Variants in SCPEP1 observed in about 807,000 individuals in gnomAD.
SCPEP1 encodes retinoid-inducible serine carboxypeptidase.
SCPEP1 carries 51 observed loss-of-function variants against 63.8 expected under a neutral mutation model. That is an observed-to-expected ratio of 0.80 (90% CI 0.64 to 1.01). The LOEUF (loss-of-function observed/expected upper bound fraction) is 1.01. SCPEP1 is among the 50% of genes least tolerant of loss of function. The pLI is 0.00. For missense variants in SCPEP1, 499 were observed against 554.9 expected (o/e 0.90, Z 1.01); for synonymous variants, 204 against 207.8 (o/e 0.98, Z 0.16).
At chr17:56,993,848 T>C (rs1911469013) in intron 6 of SCPEP1, among the ~76,000 whole-genome samples, 1 of 152,250 alleles carries the variant, frequency 6.6e-6, no homozygotes, top group Non-Finnish European at 1.5e-5. Flanking sequence ...AATTATTTAC[T>C]ATCTGTCCCT....
In SCPEP1 at chr17:56,987,673, C is replaced by T. The variant is rs563118508; in HGVS notation, c.316-22C>T. The T allele has an allele frequency of 3.3e-5, 53 of 1,604,340 alleles. No homozygotes were observed. The African/African-American group carries it at 5.6e-4, about 17-fold the overall frequency. On this transcript the variant is annotated intron_variant, in intron 3 of 12. Coordinates refer to ENST00000262288, the MANE Select transcript of SCPEP1 (RefSeq NM_021626.3). ...GACCAAATGTCTGATTGCAACATTT[C>T]GTTTTCCTCCGTGGTACATAGCTCC...
rs1367500742 is a variant in SCPEP1 at position 57,000,840 on chromosome 17, C to T, written c.995-15C>T. On this transcript the variant is annotated splice_polypyrimidine_tract_variant and intron_variant, in intron 10 of 12. Coordinates refer to ENST00000262288, the MANE Select transcript of SCPEP1 (RefSeq NM_021626.3). ...GATTCCAAGCTACTCCCTCTTTCTC[C>T]TTCCCCATGTGCAGGCCAGGCTACC... is the stretch of plus-strand genomic sequence containing the variant. 3.1e-6 allele frequency: 5 copies of T among 1,613,718 alleles called. No homozygotes were observed. In the African/African-American group the frequency reaches 6.7e-5, roughly 22 times the overall value.
intron 10 of SCPEP1, among the ~76,000 whole-genome samples, chr17:56,999,631 C>T (rs922537473): frequency 6.6e-6 from 1 of 152,124 alleles, no homozygotes; most frequent in Non-Finnish European, 1.5e-5. Context: ...CTGGTTTTTT[C>T]ATTACTCCTG....
chr17:57,004,213 G>A (rs534722530), intron 12 of SCPEP1, among the ~76,000 whole-genome samples: 1 of 152,332 alleles, frequency 6.6e-6, no homozygotes, highest in Admixed American at 6.5e-5. Flanking sequence ...GCAACAGAGT[G>A]AGACTCTGTC....
intron 3 of SCPEP1, among the ~76,000 whole-genome samples, chr17:56,985,723 C>G (rs1056657412): frequency 2.0e-5 from 3 of 151,896 alleles, no homozygotes; most frequent in African/African-American, 7.3e-5. Flanking sequence ...CTTCAAAAAC[C>G]TACTACAGCA....
At chr17:56,990,662 G>T (rs1356989422) in intron 5 of SCPEP1, among the ~76,000 whole-genome samples, 1 of 152,140 alleles carries the variant, frequency 6.6e-6, no homozygotes, top group Non-Finnish European at 1.5e-5. Context: ...GGATCTTGCT[G>T]TGTTGCCCAG....
chr17:57,003,512 C>T (rs986837570), intron 12 of SCPEP1, among the ~76,000 whole-genome samples: 1 of 152,126 alleles, frequency 6.6e-6, no homozygotes, highest in Non-Finnish European at 1.5e-5. Flanking sequence ...TGAAGGGTGG[C>T]TTGCAGGTTT....
Position 56,987,738 on chromosome 17 carries a change from C to G in SCPEP1, c.359C>G (p.Thr120Ser). 1 of 1,614,068 alleles carries G rather than the reference C, an allele frequency of 6.2e-7. No individual in the cohort carries two copies. The highest frequency in any genetic ancestry group is 1.1e-5 in the South Asian group (1 of 91,072). Reference sequence around the variant, plus strand: ...CTATTTGTGGATAATCCCGTGGGCACTGGGTTCAGTTATGTGAATGGTAGT... The same window carrying G: ...CTATTTGTGGATAATCCCGTGGGCAGTGGGTTCAGTTATGTGAATGGTAGT... ...SLLFVDNPVGTGFSYVNGSGA... is the reference protein window; with the variant it reads ...SLLFVDNPVGSGFSYVNGSGA... Residue 120 changes from threonine to serine, a missense_variant, in exon 4 of 13, where the codon ACT (threonine) becomes AGT (serine). Coordinates refer to ENST00000262288, the MANE Select transcript of SCPEP1 (RefSeq NM_021626.3).
At chr17:56,985,911 A>G (rs1056865908) in intron 3 of SCPEP1, among the ~76,000 whole-genome samples, 3 of 151,294 alleles carry the variant, frequency 2.0e-5, no homozygotes, top group Admixed American at 6.6e-5. Flanking sequence ...CCTCATTCTT[A>G]TCGTCTCTTC....
intron 6 of SCPEP1, among the ~76,000 whole-genome samples, chr17:56,994,655 G>T (rs912334733): frequency 6.6e-6 from 1 of 152,224 alleles, no homozygotes; most frequent in African/African-American, 2.4e-5. Flanking sequence ...CCACAGATAA[G>T]AGCCTCCACC....
intron 8 of SCPEP1, among the ~76,000 whole-genome samples, chr17:56,996,663 G>A (rs1028424304): frequency 3.3e-5 from 5 of 151,766 alleles, no homozygotes; most frequent in African/African-American, 1.2e-4. Flanking sequence ...GGGACTACAG[G>A]TGAGCACCAC....
chr17:56,978,258 C>G, intron 1 of SCPEP1, 23 bp downstream of exon 1: 1 of 1,520,004 alleles, frequency 6.6e-7, no homozygotes, highest in Non-Finnish European at 8.8e-7. Context: ...AAGAGGCGCA[C>G]CAGCTGCCAT....
In SCPEP1 at chr17:57,002,135, C is replaced by G; in HGVS notation, c.1250C>G (p.Ser417Cys). 1 of 1,614,184 alleles carries G rather than the reference C, an allele frequency of 6.2e-7. No homozygotes were observed. The highest frequency in any genetic ancestry group is 8.5e-7 in the Non-Finnish European group (1 of 1,180,022). The change falls in exon 12 of 13, where the codon TCC becomes TGC. Residue 417 changes from serine to cysteine, a missense_variant. By Grantham distance (112) the Ser-to-Cys change is moderately radical. Transcript: ENST00000262288. The stretch of plus-strand genomic sequence containing the variant: ...TTGGAAACATCTGCTTTTGTCAAGT[C>G]CTACAAGAACCTTGCTTTCTACTGG... ...KSLETSAFVK[S>C]YKNLAFYWIL...
chr17:56,994,617 A>T (rs1345903888), intron 6 of SCPEP1, among the ~76,000 whole-genome samples: 2 of 152,194 alleles, frequency 1.3e-5, no homozygotes, highest in Non-Finnish European at 1.5e-5. Flanking sequence ...GTGGGGAAAT[A>T]TTTTAAGCTG....
intron 3 of SCPEP1, among the ~76,000 whole-genome samples, chr17:56,986,113 C>G (rs1911208107): frequency 6.6e-6 from 1 of 152,096 alleles, no homozygotes; most frequent in Admixed American, 6.6e-5. Flanking sequence ...CTGTTCCTCT[C>G]TCTGTGCTCC....
At chr17:57,000,253 C>T (rs1196271099) in intron 10 of SCPEP1, among the ~76,000 whole-genome samples, 1 of 152,144 alleles carries the variant, frequency 6.6e-6, no homozygotes, top group African/African-American at 2.4e-5. Flanking sequence ...CAGATGCCTC[C>T]TTGGCAGTGA....
intron 3 of SCPEP1, among the ~76,000 whole-genome samples, chr17:56,986,559 T>C (rs1911226115): frequency 1.3e-5 from 2 of 148,426 alleles, no homozygotes. Flanking sequence ...TGTTTTTTTG[T>C]TTTTGAGACA....
intron 12 of SCPEP1, among the ~76,000 whole-genome samples, chr17:57,003,895 C>T (rs1911811435): frequency 6.6e-6 from 1 of 152,134 alleles, no homozygotes; most frequent in South Asian, 2.1e-4. Flanking sequence ...AAGCAGCCCA[C>T]TCTCAAAAGA....
rs990455641 is a variant in SCPEP1 at position 56,997,135 on chromosome 17, AC to A, written c.880+81del. 73 of 858,494 alleles carry A rather than the reference AC, an allele frequency of 8.5e-5. 1 individual carries two copies. The African/African-American group carries it at 1.1e-3, about 13-fold the overall frequency. 53.2% of individuals were successfully genotyped at this position (858,494 alleles called of 1,614,324 possible). ...AACCTGTTTATTAAAAAAAAAAAAA[AC>A]TTTATTAACATATAATTTGCATACC... On this transcript the variant is annotated intron_variant, in intron 9 of 12. Coordinates refer to ENST00000262288, the MANE Select transcript of SCPEP1 (RefSeq NM_021626.3).
Sources: allele counts gnomAD v4.1 joint callset (sites outside exome capture counted in the v4.1 genomes callset), GRCh38; gene constraint gnomAD v4.1.1; transcripts MANE v1.5; gene names NCBI Gene and HGNC (gene_info 2026-07-23, HGNC 2026-07-21).